Variants in CAMKK2 observed in about 807,000 individuals in gnomAD.
CAMKK2 encodes the protein calcium/calmodulin-dependent protein kinase kinase 2.
CAMKK2 carries 30 observed loss-of-function variants against 67.2 expected under a neutral mutation model. That is an observed-to-expected ratio of 0.45 (90% CI 0.33 to 0.61). The LOEUF (loss-of-function observed/expected upper bound fraction) is 0.61. Among genes scored for constraint, CAMKK2 ranks in the 20% least tolerant of loss-of-function variants. CAMKK2 has a pLI of 0.02. For synonymous variants in CAMKK2, 322 were observed against 326.2 expected (o/e 0.99, Z 0.14); for missense variants, 643 against 802.0 (o/e 0.80, Z 2.39).
intron 1 of CAMKK2, among the ~76,000 whole-genome samples, chr12:121,282,842 C>T (rs1382449367): frequency 6.6e-6 from 1 of 152,160 alleles, no homozygotes; most frequent in Non-Finnish European, 1.5e-5. Context: ...GCAACCTCCG[C>T]CTCCCAAGTT....
intron 15 of CAMKK2, 86 bp from the exon 16 acceptor site, chr12:121,244,701 C>G (rs1201995720): frequency 1.8e-6 from 2 of 1,124,082 alleles, no homozygotes; most frequent in East Asian, 5.2e-5. Flanking sequence ...CTGAGACACT[C>G]AGACCCCAAA....
chr12:121,276,599 T>G (rs1363308364), intron 1 of CAMKK2, among the ~76,000 whole-genome samples: 1 of 152,170 alleles, frequency 6.6e-6, no homozygotes, highest in East Asian at 1.9e-4. Context: ...CAGGTACCAC[T>G]GGAATTCAGG....
At chr12:121,242,750 CT>C (rs62818660) in intron 16 of CAMKK2, among the ~76,000 whole-genome samples, 8 of 150,274 alleles carry the variant, frequency 5.3e-5, no homozygotes, top group South Asian at 2.1e-4. Context: ...TTTTTCTTTT[CT>C]TTTTTTTTTG....
At chr12:121,255,342 TTA>T (rs55692571) in intron 9 of CAMKK2, among the ~76,000 whole-genome samples, 7,062 of 12,000 alleles carry the variant, frequency 0.59, 2,324 homozygotes, top group African/African-American at 0.71. Context: ...ATATATAATT[TTA>T]TATATATAAT....
At position 121,245,371 on chromosome 12, in the gene CAMKK2, T is replaced by G. The variant is rs1329039599; in HGVS notation, c.1453-131A>C. The G allele has an allele frequency of 1.5e-6, 1 of 646,636 alleles. No homozygotes were observed. The highest frequency in any genetic ancestry group is 2.8e-6 in the Non-Finnish European group (1 of 353,758). 40.1% of individuals were successfully genotyped at this position (646,636 alleles called of 1,614,324 possible). A position where few individuals can be genotyped will look rare whatever the true frequency, so the allele number is the denominator to read the frequency against. ...AGGGCTGGTGACCGATGGCAGACTT[T>G]GAGAGAAACTGGGCAGCACCACCCC... On this transcript the variant is annotated intron_variant, in intron 14 of 16. Transcript: ENST00000404169. The surrounding 1 kb of genome is among the most constrained non-coding windows in gnomAD (Gnocchi z 5.8).
chr12:121,248,051 G>GCCTGAGGA (rs1380796579), intron 14 of CAMKK2, among the ~76,000 whole-genome samples: 1 of 152,168 alleles, frequency 6.6e-6, no homozygotes, highest in Non-Finnish European at 1.5e-5. Flanking sequence ...CCAAGGTTAG[G>GCCTGAGGA]CCTGAGGACT....
Position 121,253,508 on chromosome 12 carries a change from C to T in CAMKK2, c.908-36G>A, listed in dbSNP as rs746914333. On this transcript the variant is annotated intron_variant, in intron 9 of 16. Transcript: ENST00000404169. This position sits in a 1 kb window ranked among gnomAD's most constrained non-coding sequence, Gnocchi z 5.0. ...GTAGACAGCAGGTGGGAGATAGGGG[C>T]AGGAAAACCTCGTGAGCACCTCTAT... 1 of 1,582,080 alleles carries T rather than the reference C, an allele frequency of 6.3e-7. No individual in the cohort carries two copies. The highest frequency in any genetic ancestry group is 1.1e-5 in the South Asian group (1 of 90,422).
In CAMKK2 at chr12:121,271,969, C is replaced by T. The variant is rs144647573; in HGVS notation, c.472-1024G>A. On this transcript the variant is annotated intron_variant, in intron 2 of 16. Transcript: ENST00000404169. ...AGGTTATCCTCCCGCCTTGGCCTCC[C>T]AAAATGCTGGGATTACAGGCGTGAG... Among the ~76,000 whole-genome samples, 757 of 152,238 alleles carry T rather than the reference C, an allele frequency of 5.0e-3. 9 individuals are homozygous for T. The highest frequency in any genetic ancestry group is 0.017 in the African/African-American group (721 of 41,544).
chr12:121,245,088 G>C lies in CAMKK2; in HGVS notation c.1553+52C>G. The C allele has an allele frequency of 2.3e-6, 3 of 1,303,140 alleles. No individual in the cohort carries two copies. 80.7% of individuals were successfully genotyped at this position (1,303,140 alleles called of 1,614,324 possible). ...AGTGGTCTGGGCAGGGCTGCCCCAA[G>C]CCTAGCCTCCAGCCACCACTCCCCC... On this transcript the variant is annotated intron_variant, in intron 15 of 16. Coordinates refer to ENST00000404169, the MANE Select transcript of CAMKK2 (RefSeq NM_001270485.2). The surrounding 1 kb of genome is among the most constrained non-coding windows in gnomAD (Gnocchi z 5.8).
At chr12:121,272,245 A>G (rs1015492344) in intron 2 of CAMKK2, among the ~76,000 whole-genome samples, 1 of 152,268 alleles carries the variant, frequency 6.6e-6, no homozygotes, top group African/African-American at 2.4e-5. Context: ...TAACAGCTTT[A>G]GTTGTAATAA....
At chr12:121,271,359 G>A (rs1895729981) in intron 2 of CAMKK2, among the ~76,000 whole-genome samples, 1 of 149,354 alleles carries the variant, frequency 6.7e-6, no homozygotes, top group Non-Finnish European at 1.5e-5. Flanking sequence ...TCAAGAAAGA[G>A]AACATCCCCA....
At chr12:121,249,498 C>T (rs113768604) in intron 13 of CAMKK2, among the ~76,000 whole-genome samples, 12 of 152,278 alleles carry the variant, frequency 7.9e-5, no homozygotes, top group African/African-American at 2.4e-4. Flanking sequence ...GTGTGGAGCA[C>T]GGAGGCCCCA....
At position 121,239,493 on chromosome 12, in the gene CAMKK2, T is replaced by C. The variant is rs1407760885; in HGVS notation, c.*1206A>G. 6.6e-6 allele frequency: 1 copy of C among 152,236 alleles called. No homozygotes were observed. The highest frequency in any genetic ancestry group is 1.5e-5 in the Non-Finnish European group (1 of 68,048). The allele number at this position is 152,236 out of a possible 1,614,324, so 9.4% of individuals were successfully genotyped here. A position where few individuals can be genotyped will look rare whatever the true frequency, so the allele number is the denominator to read the frequency against. ...AGTGCTGTGGGTTTCAACAGTCTTC[T>C]CTAAAAGGGTGCCCCAAGGTTATTG... is the stretch of plus-strand genomic sequence containing the variant. On this transcript the variant is annotated 3_prime_UTR_variant, in exon 17 of 17. Coordinates refer to ENST00000404169, the MANE Select transcript of CAMKK2 (RefSeq NM_001270485.2).
chr12:121,277,305 C>T (rs1897003759), intron 1 of CAMKK2, among the ~76,000 whole-genome samples: 1 of 152,208 alleles, frequency 6.6e-6, no homozygotes, highest in African/African-American at 2.4e-5. Context: ...CAAATTCAAA[C>T]TACAATCAGG....
intron 2 of CAMKK2, among the ~76,000 whole-genome samples, chr12:121,272,209 T>G (rs932193926): frequency 6.6e-6 from 1 of 152,224 alleles, no homozygotes. Context: ...AAAATGTGTT[T>G]ACAAAGACTT....
chr12:121,248,516 C>G, intron 14 of CAMKK2, 90 bp downstream of exon 14: 1 of 1,516,702 alleles, frequency 6.6e-7, no homozygotes. Context: ...ATCTGACTCC[C>G]GGGCACCCGC....
intron 7 of CAMKK2, among the ~76,000 whole-genome samples, chr12:121,257,553 A>C (rs1010673869): frequency 6.6e-6 from 1 of 152,100 alleles, no homozygotes; most frequent in African/African-American, 2.4e-5. Flanking sequence ...AAATGAAACC[A>C]AAGGGTTGTT....
chr12:121,267,907 C>A (rs1894940688), intron 5 of CAMKK2, among the ~76,000 whole-genome samples: 1 of 151,790 alleles, frequency 6.6e-6, no homozygotes, highest in African/African-American at 2.4e-5. Flanking sequence ...CACAAATCTA[C>A]TTTTGTTCCT....
chr12:121,273,986 A>C, intron 2 of CAMKK2, 70 bp downstream of exon 2: 1 of 1,179,880 alleles, frequency 8.5e-7, no homozygotes, highest in Non-Finnish European at 1.2e-6. Context: ...AACCTTCCAC[A>C]GAGGCCCTGC....
Sources: allele counts gnomAD v4.1 joint callset (sites outside exome capture counted in the v4.1 genomes callset), GRCh38; gene constraint gnomAD v4.1.1; non-coding constraint Gnocchi (gnomAD v3.1); transcripts MANE v1.5; gene names NCBI Gene and HGNC (gene_info 2026-07-23, HGNC 2026-07-21).